LDLRAD4: variants seen among roughly 807,000 people sequenced by gnomAD.
The protein encoded by LDLRAD4 is low-density lipoprotein receptor class A domain-containing protein 4.
Under a neutral mutation model 17.0 loss-of-function variants are expected in LDLRAD4, and 5 were observed. The ratio of observed to expected loss-of-function variants is 0.29; its 90% CI spans 0.15 to 0.62. The LOEUF (loss-of-function observed/expected upper bound fraction) is 0.62. Ranked by LOEUF, LDLRAD4 falls within the 20% of genes least tolerant of loss-of-function variation. LDLRAD4 has a pLI of 0.84. For synonymous variants in LDLRAD4, 168 were observed against 171.8 expected (o/e 0.98, Z 0.17); for missense variants, 340 against 424.7 (o/e 0.80, Z 1.75).
chr18:13,287,144 C>A (rs908291365), intron 1 of LDLRAD4, among the ~76,000 whole-genome samples: 5 of 152,122 alleles, frequency 3.3e-5, no homozygotes, highest in African/African-American at 9.7e-5. Flanking sequence ...ACAGCACAAT[C>A]CCCACCAGGA....
At chr18:13,563,602 T>C (rs2094563037) in intron 3 of LDLRAD4, among the ~76,000 whole-genome samples, 1 of 152,242 alleles carries the variant, frequency 6.6e-6, no homozygotes, top group South Asian at 2.1e-4. Context: ...GGCACAGAGC[T>C]TCCTTACTGA....
Position 13,480,390 on chromosome 18 carries a change from A to G in LDLRAD4, c.181+42006A>G, listed in dbSNP as rs571591783. Among the ~76,000 whole-genome samples the G allele has an allele frequency of 1.4e-4, 22 of 152,326 alleles. No individual in the cohort carries two copies. In the South Asian group the frequency reaches 4.6e-3, roughly 32 times the overall value. ...GCAAAACTGTAGAGATAGTAAGAAG[A>G]TCATTGCCAGGGTAGCGGGGAGGGA... On this transcript the variant is annotated intron_variant, in intron 3 of 5. Transcript: ENST00000359446.
intron 3 of LDLRAD4, among the ~76,000 whole-genome samples, chr18:13,477,526 G>A (rs2092973518): frequency 6.6e-6 from 1 of 152,244 alleles, no homozygotes; most frequent in African/African-American, 2.4e-5. Context: ...CTCTGTGCAG[G>A]CAGCATGGCT....
At chr18:13,462,379 G>A (rs2092463210) in intron 3 of LDLRAD4, 1 of 152,694 alleles carries the variant, frequency 6.5e-6, no homozygotes, top group South Asian at 2.1e-4. Flanking sequence ...GCCACAGGGG[G>A]ACGGGCCAGG....
At chr18:13,456,293 C>T (rs1446387834) in intron 3 of LDLRAD4, among the ~76,000 whole-genome samples, 1 of 151,450 alleles carries the variant, frequency 6.6e-6, no homozygotes, top group African/African-American at 2.4e-5. Context: ...CGTCTGCCTG[C>T]CTTCCTGAGC....
intron 3 of LDLRAD4, among the ~76,000 whole-genome samples, chr18:13,598,759 T>C (rs1174980566): frequency 6.6e-6 from 1 of 152,254 alleles, no homozygotes; most frequent in African/African-American, 2.4e-5. Flanking sequence ...TTTGTTCTTA[T>C]GGCCTGCCTG....
chr18:13,534,412 A>T (rs2094172856), intron 3 of LDLRAD4, among the ~76,000 whole-genome samples: 1 of 152,234 alleles, frequency 6.6e-6, no homozygotes, highest in Non-Finnish European at 1.5e-5. Flanking sequence ...ATGTTAATTT[A>T]CATTTTTAAC....
intron 1 of LDLRAD4, among the ~76,000 whole-genome samples, chr18:13,263,307 C>G (rs529767435): frequency 6.6e-6 from 1 of 151,680 alleles, no homozygotes; most frequent in South Asian, 2.1e-4. Context: ...GAGTCCCATG[C>G]GGCTCTGTGT....
intron 3 of LDLRAD4, among the ~76,000 whole-genome samples, chr18:13,619,119 A>G (rs1370867577): frequency 6.6e-6 from 1 of 152,144 alleles, no homozygotes; most frequent in Admixed American, 6.5e-5. Context: ...TGAGTCGCTC[A>G]TCAATTCACC....
intron 3 of LDLRAD4, among the ~76,000 whole-genome samples, chr18:13,595,225 T>A (rs2095080499): frequency 1.3e-5 from 2 of 152,124 alleles, no homozygotes; most frequent in African/African-American, 2.4e-5. Flanking sequence ...GTTTTGTTAC[T>A]GTAATCTTTG....
chr18:13,331,916 G>A (rs1256522402), intron 1 of LDLRAD4, among the ~76,000 whole-genome samples: 1 of 152,076 alleles, frequency 6.6e-6, no homozygotes, highest in East Asian at 1.9e-4. Flanking sequence ...GCCCAGACTG[G>A]TCTTGAACTC....
chr18:13,355,865 A>G (rs527920368), intron 1 of LDLRAD4, among the ~76,000 whole-genome samples: 1 of 152,294 alleles, frequency 6.6e-6, no homozygotes, highest in East Asian at 1.9e-4. Flanking sequence ...TCCTGGCCTC[A>G]AGTGATCCTC....
At chr18:13,254,030 C>T (rs145092803) in intron 1 of LDLRAD4, among the ~76,000 whole-genome samples, 4 of 152,342 alleles carry the variant, frequency 2.6e-5, no homozygotes, top group South Asian at 4.1e-4. Flanking sequence ...TGAGTCAATG[C>T]AGACCTGCTG....
chr18:13,416,374 T>C (rs2088893301), intron 2 of LDLRAD4, among the ~76,000 whole-genome samples: 2 of 152,242 alleles, frequency 1.3e-5, no homozygotes, highest in Non-Finnish European at 2.9e-5. Context: ...CTGGCTTTTG[T>C]TTCCAGTTTC....
At chr18:13,306,749 A>C (rs1327396878) in intron 1 of LDLRAD4, among the ~76,000 whole-genome samples, 1 of 152,260 alleles carries the variant, frequency 6.6e-6, no homozygotes, top group Non-Finnish European at 1.5e-5. Context: ...GATGTTGTGC[A>C]TGACTTCATG....
intron 1 of LDLRAD4, among the ~76,000 whole-genome samples, chr18:13,272,560 G>A (rs1311532321): frequency 6.6e-6 from 1 of 152,248 alleles, no homozygotes; most frequent in Non-Finnish European, 1.5e-5. Context: ...TCCTGGCCGC[G>A]TTAGTGTCCC....
intron 3 of LDLRAD4, among the ~76,000 whole-genome samples, chr18:13,483,365 G>C (rs937404716): frequency 6.6e-6 from 1 of 152,196 alleles, no homozygotes; most frequent in African/African-American, 2.4e-5. Flanking sequence ...CCATCTCCAA[G>C]TCTAGTCCTC....
At chr18:13,572,566 T>G (rs2094708371) in intron 3 of LDLRAD4, among the ~76,000 whole-genome samples, 1 of 152,202 alleles carries the variant, frequency 6.6e-6, no homozygotes, top group Non-Finnish European at 1.5e-5. Flanking sequence ...CAATGCACAT[T>G]GAGTAAGAAA....
intron 1 of LDLRAD4, among the ~76,000 whole-genome samples, chr18:13,354,777 T>C (rs2083241637): frequency 6.6e-6 from 1 of 152,250 alleles, no homozygotes; most frequent in African/African-American, 2.4e-5. Flanking sequence ...TTCTCCTCAA[T>C]GTGCAGTTTG....
Sources: allele counts gnomAD v4.1 joint callset (sites outside exome capture counted in the v4.1 genomes callset), GRCh38; gene constraint gnomAD v4.1.1; transcripts MANE v1.5; gene names NCBI Gene and HGNC (gene_info 2026-07-23, HGNC 2026-07-21).